EFCAB11: variants seen among roughly 807,000 people sequenced by gnomAD.
EFCAB11 encodes the protein EF-hand calcium-binding domain-containing protein 11.
Under a neutral mutation model 23.0 loss-of-function variants are expected in EFCAB11, and 14 were observed. The ratio of observed to expected loss-of-function variants is 0.61; its 90% CI spans 0.40 to 0.95. The LOEUF (loss-of-function observed/expected upper bound fraction) is 0.95. Ranked by LOEUF, EFCAB11 falls within the 40% of genes least tolerant of loss-of-function variation. The probability of loss-of-function intolerance (pLI) is 0.00; values close to 1 mark genes in which losing one functional copy is unlikely to be tolerated. For synonymous variants in EFCAB11, 65 were observed against 66.6 expected (o/e 0.98, Z 0.11); for missense variants, 198 against 195.8 (o/e 1.01, Z -0.07).
At chr14:89,915,900 T>C (rs950576074) in intron 5 of EFCAB11, among the ~76,000 whole-genome samples, 3 of 152,150 alleles carry the variant, frequency 2.0e-5, no homozygotes, top group African/African-American at 7.2e-5. Flanking sequence ...TGTTAAAAAA[T>C]TGAACTTTTC....
intron 5 of EFCAB11, among the ~76,000 whole-genome samples, chr14:89,806,892 C>T (rs1400165886): frequency 6.6e-6 from 1 of 152,136 alleles, no homozygotes; most frequent in Non-Finnish European, 1.5e-5. Flanking sequence ...TGTAACCCAA[C>T]TCCTGTTAGC....
At chr14:89,848,675 C>G (rs1230125625) in intron 5 of EFCAB11, 1 of 152,282 alleles carries the variant, frequency 6.6e-6, no homozygotes, top group Non-Finnish European at 1.5e-5. Flanking sequence ...GCCTGTAATC[C>G]CAGCACTTTG....
At chr14:89,885,754 GAAAGGAAA>G (rs1888743141) in intron 5 of EFCAB11, among the ~76,000 whole-genome samples, 1 of 42,828 alleles carries the variant, frequency 2.3e-5, no homozygotes, top group Non-Finnish European at 6.2e-5. Flanking sequence ...AGAAAGGAAA[GAAAGGAAA>G]GAAAGAAAGA....
At chr14:89,915,772 T>C (rs1188365513) in intron 5 of EFCAB11, among the ~76,000 whole-genome samples, 1 of 152,066 alleles carries the variant, frequency 6.6e-6, no homozygotes, top group Non-Finnish European at 1.5e-5. Flanking sequence ...ACAATGAAAA[T>C]TAGGAACTAA....
chr14:89,853,607 C>T (rs1025226829), intron 5 of EFCAB11, among the ~76,000 whole-genome samples: 2 of 152,152 alleles, frequency 1.3e-5, no homozygotes, highest in African/African-American at 4.8e-5. Flanking sequence ...CCTCACTTCA[C>T]CTGCCACACT....
chr14:89,913,458 T>C (rs1161479664), intron 5 of EFCAB11, among the ~76,000 whole-genome samples: 1 of 152,210 alleles, frequency 6.6e-6, no homozygotes, highest in Non-Finnish European at 1.5e-5. Flanking sequence ...ACTTCCATTT[T>C]CTTAGCTAGA....
chr14:89,910,390 G>C (rs577553258), intron 5 of EFCAB11, among the ~76,000 whole-genome samples: 1 of 152,266 alleles, frequency 6.6e-6, no homozygotes, highest in South Asian at 2.1e-4. Context: ...TTAAGGCCAG[G>C]AGTTCGAGAC....
intron 5 of EFCAB11, among the ~76,000 whole-genome samples, chr14:89,837,909 C>T (rs1887137860): frequency 6.6e-6 from 1 of 152,040 alleles, no homozygotes; most frequent in Non-Finnish European, 1.5e-5. Context: ...CCCAAATTAC[C>T]TATGATTAGA....
At chr14:89,887,235 A>G (rs1257515102) in intron 5 of EFCAB11, among the ~76,000 whole-genome samples, 1 of 152,194 alleles carries the variant, frequency 6.6e-6, no homozygotes, top group Non-Finnish European at 1.5e-5. Flanking sequence ...CAGGCAGCAG[A>G]GATTTACTGG....
intron 5 of EFCAB11, chr14:89,830,504 T>C (rs554759610): frequency 4.8e-4 from 73 of 152,372 alleles, no homozygotes; most frequent in African/African-American, 1.7e-3. Context: ...TTTTACAAAG[T>C]ATCGGTTTGC....
At chr14:89,938,648 G>A (rs886156964) in intron 3 of EFCAB11, among the ~76,000 whole-genome samples, 1 of 152,094 alleles carries the variant, frequency 6.6e-6, no homozygotes, top group Admixed American at 6.6e-5. Flanking sequence ...GAGGCCAGGT[G>A]TGATGGCTCA....
intron 5 of EFCAB11, among the ~76,000 whole-genome samples, chr14:89,892,810 G>C (rs1889018444): frequency 6.6e-6 from 1 of 152,098 alleles, no homozygotes; most frequent in African/African-American, 2.4e-5. Context: ...GCTAAGGCAG[G>C]AGAATCGCTT....
chr14:89,885,703 AAG>A (rs886107619), intron 5 of EFCAB11, among the ~76,000 whole-genome samples: 1 of 149,578 alleles, frequency 6.7e-6, no homozygotes, highest in African/African-American at 2.5e-5. Context: ...AAGAGAGAGA[AAG>A]AGAGAAAGAA....
intron 5 of EFCAB11, among the ~76,000 whole-genome samples, chr14:89,871,065 C>A (rs1162722746): frequency 6.6e-6 from 1 of 152,170 alleles, no homozygotes; most frequent in Non-Finnish European, 1.5e-5. Context: ...TCTTGCTTTT[C>A]AAAATATTTT....
chr14:89,867,299 T>C (rs1888122449), intron 5 of EFCAB11, among the ~76,000 whole-genome samples: 1 of 152,236 alleles, frequency 6.6e-6, no homozygotes, highest in Admixed American at 6.5e-5. Context: ...ATCTGGCGTA[T>C]TGGCAACTCA....
In EFCAB11 at chr14:89,797,177, G is replaced by T; in HGVS notation, c.*66C>A. On this transcript the variant is annotated 3_prime_UTR_variant, in exon 6 of 6. Transcript: ENST00000316738. Reference sequence around the variant, plus strand: ...AGTCTGTAGCATGACATCATTAGTAGAGTCGAGTCTGCTGACATTACAATC... The same window carrying T: ...AGTCTGTAGCATGACATCATTAGTATAGTCGAGTCTGCTGACATTACAATC... The T allele has an allele frequency of 7.0e-7, 1 of 1,422,690 alleles. No homozygotes were observed. The allele number at this position is 1,422,690 out of a possible 1,614,324, so 88.1% of individuals were successfully genotyped here.
intron 5 of EFCAB11, among the ~76,000 whole-genome samples, chr14:89,908,042 G>A (rs774384751): frequency 4.5e-4 from 69 of 152,318 alleles, no homozygotes; most frequent in Non-Finnish European, 5.7e-4. Flanking sequence ...CACTGGAATA[G>A]CCCCCCAGCT....
chr14:89,936,944 A>T lies in EFCAB11; in HGVS notation c.218-4317T>A, dbSNP rs995967110. Among the ~76,000 whole-genome samples, 15 of 152,318 alleles carry T rather than the reference A, an allele frequency of 9.8e-5. No individual in the cohort carries two copies. In the East Asian group the frequency reaches 2.9e-3, roughly 29 times the overall value. The stretch of plus-strand genomic sequence containing the variant: ...CTGACATCAGATTTCATACCCAATA[A>T]GAAATATATTACCTGTGTCCCCTCC... On this transcript the variant is annotated intron_variant, in intron 3 of 5. Transcript: ENST00000316738.
chr14:89,881,387 C>T (rs1888591075), intron 5 of EFCAB11, among the ~76,000 whole-genome samples: 1 of 137,896 alleles, frequency 7.3e-6, no homozygotes, highest in African/African-American at 2.7e-5. Flanking sequence ...CTCTACCCAT[C>T]AATAAAATTT....
Sources: allele counts gnomAD v4.1 joint callset (sites outside exome capture counted in the v4.1 genomes callset), GRCh38; gene constraint gnomAD v4.1.1; transcripts MANE v1.5; gene names NCBI Gene and HGNC (gene_info 2026-07-23, HGNC 2026-07-21).